The following SCD5 variants were observed in gnomAD, a reference collection of about 807,000 sequenced individuals.
SCD5 encodes the protein acyl-CoA-desaturase 4.
A neutral mutation model predicts 30.4 loss-of-function variants in SCD5; 20 were observed. The observed-to-expected ratio is 0.66, with a 90% CI of 0.46 to 0.96. The LOEUF (loss-of-function observed/expected upper bound fraction) is 0.96, where lower values mean the gene tolerates loss of function less well. Among genes scored for constraint, SCD5 ranks in the 40% least tolerant of loss-of-function variants. The pLI is 0.00. For synonymous variants in SCD5, 173 were observed against 176.4 expected (o/e 0.98, Z 0.16); for missense variants, 381 against 443.3 (o/e 0.86, Z 1.26).
intron 1 of SCD5, among the ~76,000 whole-genome samples, chr4:82,795,867 G>A (rs1348161512): frequency 4.9e-5 from 6 of 123,612 alleles, no homozygotes; most frequent in East Asian, 2.5e-4. Context: ...CATCAGATAA[G>A]ACCCATTGTT....
chr4:82,729,852 G>A (rs1478164940), intron 1 of SCD5, among the ~76,000 whole-genome samples: 2 of 152,138 alleles, frequency 1.3e-5, no homozygotes, highest in Non-Finnish European at 2.9e-5. Context: ...AGCCCGGAGA[G>A]GGCACCAGAG....
Position 82,631,428 on chromosome 4 carries a change from T to G in SCD5, c.892A>C (p.Ile298Leu). Residue 298 changes from isoleucine (I) to leucine (L), a missense_variant, in exon 5 of 5, where the codon ATT (isoleucine) becomes CTT (leucine). Ile to Leu is a conservative substitution (Grantham distance 5, BLOSUM62 2). Transcript: ENST00000319540. ...GLNFNPTTWF[I>L]DFMCWLGLAT... Reference sequence around the variant, plus strand: ...AGCCCCAGCCAGCACATGAAATCAATGAACCAGGTGGTTGGGTTAAAATTT... The same window carrying G: ...AGCCCCAGCCAGCACATGAAATCAAGGAACCAGGTGGTTGGGTTAAAATTT... The G allele has an allele frequency of 6.2e-7, 1 of 1,614,162 alleles. No individual in the cohort carries two copies. Among genetic ancestry groups the G allele is most frequent in the Non-Finnish European group, 8.5e-7 (1 of 1,180,036 alleles).
Position 82,777,498 on chromosome 4 carries a change from G to A in SCD5, c.232+20808C>T, listed in dbSNP as rs539741221. 2.0e-5 allele frequency among the ~76,000 whole-genome samples: 3 copies of A among 152,206 alleles called. No individual in the cohort carries two copies. In the South Asian group the frequency reaches 6.2e-4, roughly 32 times the overall value. On this transcript the variant is annotated intron_variant, in intron 1 of 4. Coordinates refer to ENST00000319540, the MANE Select transcript of SCD5 (RefSeq NM_001037582.3). ...CAGAGAGTGCTGAGGATACACACAG[G>A]GTATACTATTTCTGGTCAAAGACAG...
intron 1 of SCD5, among the ~76,000 whole-genome samples, chr4:82,741,403 T>C (rs1042948782): frequency 6.6e-6 from 1 of 152,096 alleles, no homozygotes; most frequent in Non-Finnish European, 1.5e-5. Context: ...AGGAAACCAT[T>C]GTCACCTACC....
chr4:82,715,138 G>A (rs946215650), intron 1 of SCD5, among the ~76,000 whole-genome samples: 1 of 151,388 alleles, frequency 6.6e-6, no homozygotes, highest in East Asian at 1.9e-4. Flanking sequence ...TTGGGAGGCT[G>A]AGGCACGAGA....
intron 2 of SCD5, among the ~76,000 whole-genome samples, chr4:82,697,073 A>G (rs1405099): frequency 0.35 from 52,583 of 152,150 alleles, 10,402 homozygotes; most frequent in Admixed American, 0.45. Flanking sequence ...GAGAAAATAC[A>G]TGATTAAGGA....
At chr4:82,738,359 T>A (rs546950910) in intron 1 of SCD5, among the ~76,000 whole-genome samples, 12 of 152,196 alleles carry the variant, frequency 7.9e-5, no homozygotes, top group South Asian at 2.1e-4. Context: ...GAGGCAGACG[T>A]TGCAGTGAGC....
chr4:82,764,579 T>C (rs923064354), intron 1 of SCD5, among the ~76,000 whole-genome samples: 6 of 152,210 alleles, frequency 3.9e-5, no homozygotes, highest in Non-Finnish European at 7.3e-5. Flanking sequence ...TAGTACTTCA[T>C]GTATCATATA....
In SCD5 at chr4:82,631,130, A is replaced by AC; in HGVS notation, c.*196_*197insG. On this transcript the variant is annotated 3_prime_UTR_variant, in exon 5 of 5. Transcript: ENST00000319540. Reference sequence around the variant, plus strand: ...TGTCTCAAAAACAAAACAAACAAAAAAAAAAACGAAAGTTTTTTCATTGAT... The same window carrying AC: ...TGTCTCAAAAACAAAACAAACAAAAACAAAAAACGAAAGTTTTTTCATTGAT... 1 of 509,874 alleles carries AC rather than the reference A, an allele frequency of 2.0e-6. No homozygotes were observed. Among genetic ancestry groups the AC allele is most frequent in the Non-Finnish European group, 3.3e-6 (1 of 299,712 alleles). 31.6% of individuals were successfully genotyped at this position (509,874 alleles called of 1,614,324 possible).
intron 3 of SCD5, among the ~76,000 whole-genome samples, chr4:82,671,393 A>G (rs181855767): frequency 1.4e-3 from 208 of 152,342 alleles, no homozygotes; most frequent in Non-Finnish European, 2.1e-3. Flanking sequence ...TCCACAAGAT[A>G]TAATTGACAT....
At chr4:82,671,675 C>T (rs1485072772) in intron 3 of SCD5, among the ~76,000 whole-genome samples, 2 of 152,146 alleles carry the variant, frequency 1.3e-5, no homozygotes, top group East Asian at 1.9e-4. Flanking sequence ...ATCAGGAGTT[C>T]GAAACCAGCC....
chr4:82,755,265 T>A (rs1435221545), intron 1 of SCD5, among the ~76,000 whole-genome samples: 3 of 152,088 alleles, frequency 2.0e-5, no homozygotes, highest in Non-Finnish European at 4.4e-5. Context: ...TTTGGGAGGC[T>A]GAGGCAGGCA....
chr4:82,695,022 CT>C (rs1719668455), intron 2 of SCD5, among the ~76,000 whole-genome samples: 2 of 152,250 alleles, frequency 1.3e-5, no homozygotes, highest in African/African-American at 4.8e-5. Context: ...CACTACTGTT[CT>C]GCAGCCCTTG....
chr4:82,641,593 C>T (rs754258912), intron 3 of SCD5, among the ~76,000 whole-genome samples: 3 of 152,108 alleles, frequency 2.0e-5, no homozygotes, highest in Non-Finnish European at 2.9e-5. Flanking sequence ...CCACAAATAG[C>T]AAGGCCCTGA....
chr4:82,739,497 T>G (rs560435945), intron 1 of SCD5, among the ~76,000 whole-genome samples: 1 of 152,366 alleles, frequency 6.6e-6, no homozygotes, highest in East Asian at 1.9e-4. Context: ...CTCCCCGCAC[T>G]GCCCTGGAGG....
At chr4:82,702,666 G>A (rs1719878279) in intron 2 of SCD5, among the ~76,000 whole-genome samples, 1 of 152,122 alleles carries the variant, frequency 6.6e-6, no homozygotes, top group South Asian at 2.1e-4. Context: ...GTCCATTTTG[G>A]CCAATGGCAT....
chr4:82,720,143 G>A (rs573843000), intron 1 of SCD5, among the ~76,000 whole-genome samples: 3 of 152,196 alleles, frequency 2.0e-5, no homozygotes, highest in African/African-American at 7.2e-5. Flanking sequence ...AATTAAAAGA[G>A]AAACGGCCAG....
At chr4:82,764,545 A>G (rs1721446419) in intron 1 of SCD5, among the ~76,000 whole-genome samples, 1 of 152,058 alleles carries the variant, frequency 6.6e-6, no homozygotes, top group Admixed American at 6.6e-5. Flanking sequence ...TTAACTTATT[A>G]TCATCTACCT....
Position 82,798,286 on chromosome 4 carries a change from G to A in SCD5, c.232+20C>T, listed in dbSNP as rs1352746900. ...CCTGGCCACGGAGGCCGGGGCGCAG[G>A]GGGCGCCGGCGGGACTTACCCCAGA... On this transcript the variant is annotated intron_variant, in intron 1 of 4. Coordinates refer to ENST00000319540, the MANE Select transcript of SCD5 (RefSeq NM_001037582.3). 1 of 1,552,960 alleles carries A rather than the reference G, an allele frequency of 6.4e-7. No homozygotes were observed.
Sources: allele counts gnomAD v4.1 joint callset (sites outside exome capture counted in the v4.1 genomes callset), GRCh38; gene constraint gnomAD v4.1.1; transcripts MANE v1.5; gene names NCBI Gene and HGNC (gene_info 2026-07-23, HGNC 2026-07-21).